PCSK2: variants seen among roughly 807,000 people sequenced by gnomAD.
PCSK2 encodes the protein proprotein convertase subtilisin/kexin type 2, also known as neuroendocrine convertase 2.
PCSK2 carries 14 observed loss-of-function variants against 69.7 expected under a neutral mutation model. The ratio of observed to expected loss-of-function variants is 0.20; its 90% CI spans 0.13 to 0.31. The LOEUF (loss-of-function observed/expected upper bound fraction) is 0.31. Ranked by LOEUF, PCSK2 falls within the 10% of genes least tolerant of loss-of-function variation. The pLI is 1.00. For synonymous variants in PCSK2, 307 were observed against 320.7 expected (o/e 0.96, Z 0.46); for missense variants, 544 against 842.5 (o/e 0.65, Z 4.39).
chr20:17,320,388 T>C (rs1384779389), intron 2 of PCSK2, among the ~76,000 whole-genome samples: 1 of 152,184 alleles, frequency 6.6e-6, no homozygotes, highest in Non-Finnish European at 1.5e-5. Flanking sequence ...ATAACTGCAG[T>C]TATCCACTGC....
At chr20:17,361,282 T>C (rs1157497389) in intron 4 of PCSK2, among the ~76,000 whole-genome samples, 1 of 152,230 alleles carries the variant, frequency 6.6e-6, no homozygotes, top group East Asian at 1.9e-4. Flanking sequence ...TAGCCTTTGA[T>C]AACTTTTTAT....
chr20:17,368,610 G>T (rs960357361), intron 4 of PCSK2, among the ~76,000 whole-genome samples: 1 of 152,172 alleles, frequency 6.6e-6, no homozygotes, highest in African/African-American at 2.4e-5. Context: ...ACTCAGCAGT[G>T]CTCATAGTCC....
intron 2 of PCSK2, among the ~76,000 whole-genome samples, chr20:17,294,273 T>TC (rs542908065): frequency 6.8e-6 from 1 of 148,006 alleles, no homozygotes; most frequent in Non-Finnish European, 1.5e-5. Flanking sequence ...CCCGGCTAAT[T>TC]TTTTTTGTAT....
chr20:17,418,014 T>C (rs748098159), intron 6 of PCSK2, among the ~76,000 whole-genome samples: 2 of 152,224 alleles, frequency 1.3e-5, no homozygotes, highest in Admixed American at 1.3e-4. Context: ...TGTTTTGGTG[T>C]GCAAGCTTCC....
At chr20:17,294,093 A>ATTTTC (rs1568588536) in intron 2 of PCSK2, among the ~76,000 whole-genome samples, 12 of 91,042 alleles carry the variant, frequency 1.3e-4, no homozygotes, top group Non-Finnish European at 1.9e-4. Context: ...TGTATAAAGT[A>ATTTTC]TTTTCTTTTT....
intron 1 of PCSK2, among the ~76,000 whole-genome samples, chr20:17,246,974 C>T (rs1986794719): frequency 1.3e-5 from 2 of 152,158 alleles, no homozygotes; most frequent in Non-Finnish European, 2.9e-5. Context: ...TATTAGGTAC[C>T]TTTAGAATTA....
intron 5 of PCSK2, among the ~76,000 whole-genome samples, chr20:17,408,868 A>T (rs574316985): frequency 6.6e-6 from 1 of 152,306 alleles, no homozygotes; most frequent in Non-Finnish European, 1.5e-5. Flanking sequence ...AGGCCATCTC[A>T]CTTGTGATGT....
intron 1 of PCSK2, among the ~76,000 whole-genome samples, chr20:17,231,982 C>A (rs763334030): frequency 6.6e-6 from 1 of 152,186 alleles, no homozygotes; most frequent in Non-Finnish European, 1.5e-5. Flanking sequence ...ACTCTCCTTG[C>A]AAGGTTAACC....
chr20:17,477,270 C>T (rs2033307711), intron 11 of PCSK2, among the ~76,000 whole-genome samples: 1 of 152,192 alleles, frequency 6.6e-6, no homozygotes, highest in Admixed American at 6.5e-5. Context: ...AGGATATTTG[C>T]ATAGGCAATG....
chr20:17,474,346 C>T (rs2033255012), intron 11 of PCSK2, among the ~76,000 whole-genome samples: 1 of 152,260 alleles, frequency 6.6e-6, no homozygotes, highest in African/African-American at 2.4e-5. Flanking sequence ...CCAGGCACAC[C>T]CCAGTGTCCA....
At chr20:17,480,323 G>A (rs569157117) in intron 11 of PCSK2, among the ~76,000 whole-genome samples, 2 of 151,402 alleles carry the variant, frequency 1.3e-5, no homozygotes, top group African/African-American at 4.8e-5. Context: ...CCAAGTAGCT[G>A]GGACTACAGG....
At position 17,478,397 on chromosome 20, in the gene PCSK2, G is replaced by GT. The variant is rs200799818; in HGVS notation, c.1431-3184dup. On this transcript the variant is annotated intron_variant, in intron 11 of 11. Coordinates refer to ENST00000262545, the MANE Select transcript of PCSK2 (RefSeq NM_002594.5). Reference sequence around the variant, plus strand: ...ACATGGAATGAATTGTAAGGCAGCTGTTTGAGTCATATACTGTTCATCATA... The same window carrying GT: ...ACATGGAATGAATTGTAAGGCAGCTGTTTTGAGTCATATACTGTTCATCATA... Among the ~76,000 whole-genome samples the GT allele has an allele frequency of 5.8e-3, 886 of 152,238 alleles. 19 individuals carry two copies. The East Asian group carries it at 0.064, about 11-fold the overall frequency.
chr20:17,454,147 G>A (rs551057966), intron 9 of PCSK2, among the ~76,000 whole-genome samples, 190 bp downstream of exon 9: 2 of 152,158 alleles, frequency 1.3e-5, no homozygotes, highest in South Asian at 2.1e-4. Flanking sequence ...TCCCATCTGC[G>A]AGCTAGTAGC....
intron 1 of PCSK2, among the ~76,000 whole-genome samples, chr20:17,249,528 C>T (rs1248048824): frequency 4.2e-5 from 6 of 142,976 alleles, no homozygotes; most frequent in Non-Finnish European, 9.1e-5. Flanking sequence ...AAAAAAGTTG[C>T]ATAAATAGCA....
At chr20:17,334,529 C>T (rs550264995) in intron 2 of PCSK2, among the ~76,000 whole-genome samples, 13 of 152,214 alleles carry the variant, frequency 8.5e-5, no homozygotes, top group African/African-American at 3.1e-4. Flanking sequence ...TACGGGGGGG[C>T]AATGAGTCCA....
Position 17,473,691 on chromosome 20 carries a change from T to C in PCSK2, c.1431-7893T>C, listed in dbSNP as rs149787690. Among the ~76,000 whole-genome samples the C allele has an allele frequency of 1.7e-3, 261 of 152,214 alleles. 1 individual carries two copies. Among genetic ancestry groups the C allele is most frequent in the African/African-American group, 6.0e-3 (248 of 41,522 alleles). ...CAAATGAAGAGAGAAACAAGAAACATCTGGAAAATACTGTTCCTAGGCTCT... is the reference window on the plus strand; with the variant it reads ...CAAATGAAGAGAGAAACAAGAAACACCTGGAAAATACTGTTCCTAGGCTCT... On this transcript the variant is annotated intron_variant, in intron 11 of 11. Transcript: ENST00000262545.
intron 2 of PCSK2, among the ~76,000 whole-genome samples, chr20:17,310,162 A>G (rs1021711660): frequency 2.0e-5 from 3 of 152,146 alleles, no homozygotes; most frequent in African/African-American, 4.8e-5. Flanking sequence ...TATCATGACA[A>G]TGGCACCAAG....
At chr20:17,315,567 C>G (rs566521103) in intron 2 of PCSK2, among the ~76,000 whole-genome samples, 1 of 152,332 alleles carries the variant, frequency 6.6e-6, no homozygotes, top group South Asian at 2.1e-4. Flanking sequence ...GCCCTCCACG[C>G]CCTCCACGGG....
intron 2 of PCSK2, among the ~76,000 whole-genome samples, chr20:17,347,291 C>T (rs1298644899): frequency 6.6e-6 from 1 of 152,224 alleles, no homozygotes; most frequent in African/African-American, 2.4e-5. Context: ...TGCTCCCTCC[C>T]TCCTGGCATC....
Sources: gnomAD v4.1 joint callset for allele counts (sites outside exome capture counted in the v4.1 genomes callset) on GRCh38, gnomAD v4.1.1 for gene constraint, MANE v1.5 for transcripts, NCBI Gene and HGNC (gene_info 2026-07-23, HGNC 2026-07-21) for gene names.